The following TENM4 variants were observed in gnomAD, a reference collection of about 807,000 sequenced individuals.
TENM4 encodes the protein teneurin-4.
TENM4 carries 82 observed loss-of-function variants against 243.3 expected under a neutral mutation model. The ratio of observed to expected loss-of-function variants is 0.34; its 90% CI spans 0.28 to 0.40. The LOEUF (loss-of-function observed/expected upper bound fraction) is 0.40. Ranked by LOEUF, TENM4 falls within the 10% of genes least tolerant of loss-of-function variation. The probability of loss-of-function intolerance (pLI) is 1.00; values close to 1 mark genes in which losing one functional copy is unlikely to be tolerated. For missense variants in TENM4, 3,138 were observed against 3,673.3 expected (o/e 0.85, Z 3.77); for synonymous variants, 1,412 against 1,456.3 (o/e 0.97, Z 0.69).
chr11:79,082,918 T>C (rs1025819876), intron 4 of TENM4, among the ~76,000 whole-genome samples: 1 of 152,192 alleles, frequency 6.6e-6, no homozygotes, highest in Non-Finnish European at 1.5e-5. Flanking sequence ...AGGCCCTCTT[T>C]CCAGCAGCTG....
chr11:79,163,122 T>C (rs144832826), intron 3 of TENM4, among the ~76,000 whole-genome samples: 171 of 152,110 alleles, frequency 1.1e-3, no homozygotes, highest in Middle Eastern at 0.01. Context: ...TACCAGTTCA[T>C]TGGGAGGACA....
In TENM4 at chr11:78,963,034, T is replaced by G. The variant is rs1857365557; in HGVS notation, c.494-59511A>C. Among the ~76,000 whole-genome samples the G allele has an allele frequency of 3.3e-5, 5 of 152,384 alleles. No individual in the cohort carries two copies. In the South Asian group the frequency reaches 1.0e-3, roughly 32 times the overall value. On this transcript the variant is annotated intron_variant, in intron 6 of 33. Transcript: ENST00000278550. ...TTAGGAAATTTTGTTCATGTCTTTA[T>G]ATTCAGAATCTAACATAATGCCTGG...
At chr11:78,923,953 C>T (rs1448211349) in intron 6 of TENM4, among the ~76,000 whole-genome samples, 1 of 151,648 alleles carries the variant, frequency 6.6e-6, no homozygotes, top group Non-Finnish European at 1.5e-5. Context: ...CTCCCAGGAT[C>T]AAGCGATTCT....
At chr11:78,796,957 G>A (rs981872291) in intron 15 of TENM4, among the ~76,000 whole-genome samples, 1 of 152,172 alleles carries the variant, frequency 6.6e-6, no homozygotes, top group African/African-American at 2.4e-5. Flanking sequence ...GAGAGCAATT[G>A]TTCTTTTTCT....
chr11:79,259,950 A>G (rs1279058854), intron 2 of TENM4, among the ~76,000 whole-genome samples: 1 of 152,192 alleles, frequency 6.6e-6, no homozygotes, highest in Non-Finnish European at 1.5e-5. Flanking sequence ...CCAGTTAAAG[A>G]GCTATGTGAT....
intron 14 of TENM4, 34 bp from the exon 15 acceptor site, chr11:78,805,526 A>G: frequency 6.4e-7 from 1 of 1,550,508 alleles, no homozygotes; most frequent in Non-Finnish European, 8.7e-7. Context: ...ATAGGTAAGC[A>G]TCTGACCAGC....
At chr11:78,994,014 T>G (rs955300001) in intron 6 of TENM4, among the ~76,000 whole-genome samples, 11 of 152,230 alleles carry the variant, frequency 7.2e-5, no homozygotes, top group Non-Finnish European at 1.2e-4. Flanking sequence ...GGCAGTTAAT[T>G]TACTTGCAGA....
intron 6 of TENM4, among the ~76,000 whole-genome samples, chr11:78,977,056 C>T (rs1313866049): frequency 6.6e-6 from 1 of 152,196 alleles, no homozygotes. Context: ...GGACAAGGGC[C>T]ATGCTCTCTC....
intron 1 of TENM4, among the ~76,000 whole-genome samples, chr11:79,315,089 A>G (rs1191068754): frequency 1.3e-5 from 2 of 152,224 alleles, no homozygotes; most frequent in African/African-American, 4.8e-5. Flanking sequence ...TAAGCTGAGT[A>G]ATAGCGTGGG....
intron 3 of TENM4, among the ~76,000 whole-genome samples, chr11:79,162,697 T>C (rs1180844752): frequency 6.6e-6 from 1 of 152,192 alleles, no homozygotes. Flanking sequence ...ATTCCCTGGC[T>C]GCCCAGTCAC....
intron 9 of TENM4, among the ~76,000 whole-genome samples, chr11:78,866,124 C>A (rs938831465): frequency 6.6e-6 from 1 of 152,200 alleles, no homozygotes; most frequent in Non-Finnish European, 1.5e-5. Flanking sequence ...GAACAGTTAA[C>A]CTGCCTGGAA....
At chr11:79,315,139 A>T (rs1395280555) in intron 1 of TENM4, among the ~76,000 whole-genome samples, 1 of 152,198 alleles carries the variant, frequency 6.6e-6, no homozygotes, top group African/African-American at 2.4e-5. Flanking sequence ...CGAGAAGGGC[A>T]TTCTGAGCCT....
At chr11:79,024,498 G>A (rs550912410) in intron 6 of TENM4, among the ~76,000 whole-genome samples, 2 of 152,258 alleles carry the variant, frequency 1.3e-5, no homozygotes, top group Admixed American at 6.5e-5. Flanking sequence ...GTAACTCAAT[G>A]GAAAAGTCAG....
intron 9 of TENM4, 108 bp from the exon 10 acceptor site, chr11:78,863,240 C>T (rs1858869922): frequency 4.0e-6 from 5 of 1,246,992 alleles, no homozygotes; most frequent in Admixed American, 5.8e-5. Context: ...GCATTCAGTT[C>T]AGTTCAACAA....
At chr11:79,354,959 A>G (rs1228291154) in intron 1 of TENM4, among the ~76,000 whole-genome samples, 1 of 152,158 alleles carries the variant, frequency 6.6e-6, no homozygotes, top group East Asian at 1.9e-4. Context: ...ACAAATGTGA[A>G]CCTGAAAGAG....
chr11:78,854,323 CAG>C lies in TENM4; in HGVS notation c.1471-11_1471-10del. The C allele has an allele frequency of 6.7e-7, 1 of 1,493,296 alleles. No individual in the cohort carries two copies. The highest frequency in any genetic ancestry group is 1.3e-5 in the South Asian group (1 of 74,720). The allele number at this position is 1,493,296 out of a possible 1,614,324, so 92.5% of individuals were successfully genotyped here. Reference sequence around the variant, plus strand: ...AGCTCCACAAAGTCAAACTGAAAGACAGAGAAAGCACAGTTAGCAGTGGGTCT... The same window carrying C: ...AGCTCCACAAAGTCAAACTGAAAGACAGAAAGCACAGTTAGCAGTGGGTCT... On this transcript the variant is annotated splice_polypyrimidine_tract_variant and intron_variant, in intron 11 of 33. Coordinates refer to ENST00000278550, the MANE Select transcript of TENM4 (RefSeq NM_001098816.3).
At chr11:79,178,242 C>T (rs1174836791) in intron 3 of TENM4, among the ~76,000 whole-genome samples, 1 of 152,122 alleles carries the variant, frequency 6.6e-6, no homozygotes, top group African/African-American at 2.4e-5. Context: ...AATCAGGGAA[C>T]AGGCTTTGTG....
At chr11:79,277,421 A>C (rs1236101907) in intron 2 of TENM4, among the ~76,000 whole-genome samples, 2 of 152,218 alleles carry the variant, frequency 1.3e-5, no homozygotes, top group Non-Finnish European at 2.9e-5. Context: ...CCTATTTTAC[A>C]GATGAGGCAT....
chr11:78,951,254 G>A (rs1565140675), intron 6 of TENM4, among the ~76,000 whole-genome samples: 1 of 152,238 alleles, frequency 6.6e-6, no homozygotes, highest in African/African-American at 2.4e-5. Flanking sequence ...CCCATGGTGG[G>A]CACAGATGAG....
Sources: allele counts gnomAD v4.1 joint callset (sites outside exome capture counted in the v4.1 genomes callset), GRCh38; gene constraint gnomAD v4.1.1; transcripts MANE v1.5; gene names NCBI Gene and HGNC (gene_info 2026-07-23, HGNC 2026-07-21).